TCF20: variants seen among roughly 807,000 people sequenced by gnomAD.
TCF20 encodes the protein transcription factor 20.
TCF20 carries 3 observed loss-of-function variants against 148.6 expected under a neutral mutation model. The ratio of observed to expected loss-of-function variants is 0.02; its 90% CI spans 0.01 to 0.05. The LOEUF (loss-of-function observed/expected upper bound fraction) is 0.05, where lower values mean the gene tolerates loss of function less well. Ranked by LOEUF, TCF20 falls within the 10% of genes least tolerant of loss-of-function variation. The pLI, the probability that TCF20 is intolerant of heterozygous loss-of-function variation, is 1.00. For missense variants in TCF20, 2,350 were observed against 2,429.3 expected, an observed-to-expected ratio of 0.97 and a Z score of 0.69; for synonymous variants, 1,049 against 909.5, an observed-to-expected ratio of 1.15 and a Z score of -2.76.
chr22:42,276,811 A>G (rs77117780), intron 1 of TCF20: 1 of 152,166 alleles, frequency 6.6e-6, no homozygotes, highest in Non-Finnish European at 1.5e-5. Flanking sequence ...GGATAATTGC[A>G]AAATCACGTT....
At chr22:42,182,008 G>C (rs1936801860) in intron 2 of TCF20, among the ~76,000 whole-genome samples, 1 of 152,108 alleles carries the variant, frequency 6.6e-6, no homozygotes, top group Admixed American at 6.5e-5. Flanking sequence ...CACCATGAGG[G>C]GACAGCCCTG....
intron 1 of TCF20, among the ~76,000 whole-genome samples, chr22:42,335,366 C>T (rs913457521): frequency 5.3e-5 from 8 of 152,074 alleles, no homozygotes; most frequent in Non-Finnish European, 1.0e-4. Context: ...GCCCACAGGC[C>T]GGCACCAGCC....
In TCF20 at chr22:42,214,839, T is replaced by C. The variant is rs148947060; in HGVS notation, c.467A>G (p.Tyr156Cys). ...ACTCCCTGGAGAGAAAGGCCCAGTG[T>C]AATCCTGCTGATAATGTGACACACC... ...LGGVSHYQQD[Y>C]TGPFSPGSAQ... is the part of the protein sequence containing the mutation. The change falls in exon 2 of 6, where the codon TAC becomes TGC. Residue 156 changes from tyrosine (Y) to cysteine (C), a missense_variant. Physicochemically the swap from Tyr to Cys is radical, Grantham distance 194. Around this residue, in one of 7 missense-constraint regions of TCF20, gnomAD observed 1,641 missense variants for 1,662.6 expected, o/e 0.99. Coordinates refer to ENST00000677622, the MANE Select transcript of TCF20 (RefSeq NM_001378418.1). 19 of 1,614,074 alleles carry C rather than the reference T, an allele frequency of 1.2e-5. No individual in the cohort carries two copies. The East Asian group carries it at 1.8e-4, about 15-fold the overall frequency.
At chr22:42,285,180 C>A (rs1601693202), upstream of TCF20, among the ~76,000 whole-genome samples, 1 of 152,224 alleles carries the variant, frequency 6.6e-6, no homozygotes, top group Non-Finnish European at 1.5e-5. The surrounding 1 kb of genome is among the most constrained non-coding windows in gnomAD (Gnocchi z 4.2). Flanking sequence ...TGCCACGGGG[C>A]AGCTGGGCTG....
intron 1 of TCF20, among the ~76,000 whole-genome samples, chr22:42,262,478 G>A (rs1212425252): frequency 6.6e-6 from 1 of 152,118 alleles, no homozygotes; most frequent in Non-Finnish European, 1.5e-5. Flanking sequence ...AGGAATAAGT[G>A]TTCAGTTTTG....
intron 1 of TCF20, among the ~76,000 whole-genome samples, chr22:42,254,603 C>T (rs1282806000): frequency 6.6e-6 from 1 of 152,220 alleles, no homozygotes; most frequent in Non-Finnish European, 1.5e-5. Flanking sequence ...AATCCTTTCC[C>T]ACCTCTCAGA....
intron 1 of TCF20, among the ~76,000 whole-genome samples, chr22:42,243,697 T>C (rs1425956368): frequency 6.6e-6 from 1 of 152,190 alleles, no homozygotes; most frequent in Non-Finnish European, 1.5e-5. Context: ...ACCACACTAA[T>C]ATGAGATATT....
chr22:42,177,482 G>A (rs183813550), intron 3 of TCF20, among the ~76,000 whole-genome samples: 167 of 152,208 alleles, frequency 1.1e-3, no homozygotes, highest in African/African-American at 2.6e-3. Flanking sequence ...AAAAGTAACT[G>A]GGGAAAACAC....
intron 2 of TCF20, among the ~76,000 whole-genome samples, chr22:42,188,739 GA>G (rs1937180754): frequency 6.6e-6 from 1 of 152,194 alleles, no homozygotes. Flanking sequence ...ATCGACTTCA[GA>G]AGTATAATAA....
intron 5 of TCF20, 86 bp from the exon 6 acceptor site, chr22:42,161,444 G>A (rs1433798065): frequency 6.3e-7 from 1 of 1,587,316 alleles, no homozygotes; most frequent in East Asian, 2.2e-5. Flanking sequence ...ACCCCTGGGA[G>A]CTTTCAGCAG....
intron 1 of TCF20, among the ~76,000 whole-genome samples, chr22:42,333,489 T>TCA (rs1928013498): frequency 1.3e-5 from 2 of 152,194 alleles, no homozygotes; most frequent in African/African-American, 4.8e-5. Flanking sequence ...TGAACGCAAG[T>TCA]CACACAGAAG....
At chr22:42,240,977 T>A (rs1427723215) in intron 1 of TCF20, among the ~76,000 whole-genome samples, 2 of 152,012 alleles carry the variant, frequency 1.3e-5, no homozygotes, top group Non-Finnish European at 2.9e-5. Flanking sequence ...TGCCTCAGCC[T>A]CCCAAGTAGC....
rs969216021 is a variant in TCF20 at position 42,161,279 on chromosome 22, A to G, written c.*124T>C. The G allele has an allele frequency of 1.2e-4, 185 of 1,606,480 alleles. No individual in the cohort carries two copies. Among genetic ancestry groups the G allele is most frequent in the Admixed American group, 3.3e-5 (2 of 59,812 alleles). ...GCACGCGGGCGGGGCGGGGCGGGGC[A>G]GGGCAGGGTGTGGCTGCACGGTAGG... On this transcript the variant is annotated 3_prime_UTR_variant, in exon 6 of 6. Transcript: ENST00000677622.
upstream of TCF20, among the ~76,000 whole-genome samples, chr22:42,271,779 C>G (rs1407821636): frequency 6.6e-6 from 1 of 152,142 alleles, no homozygotes; most frequent in Non-Finnish European, 1.5e-5. Flanking sequence ...TGAAGCAACC[C>G]AACTTAAAAG....
At chr22:42,268,050 G>C (rs1380827766) in intron 1 of TCF20, among the ~76,000 whole-genome samples, 1 of 152,100 alleles carries the variant, frequency 6.6e-6, no homozygotes, top group South Asian at 2.1e-4. Context: ...GGAGGCTGAC[G>C]CAGGAGAATC....
intron 1 of TCF20, among the ~76,000 whole-genome samples, chr22:42,255,879 T>C (rs1324029600): frequency 6.6e-6 from 1 of 152,154 alleles, no homozygotes; most frequent in Non-Finnish European, 1.5e-5. Context: ...GGTTCAAAGC[T>C]ATTCCCACCT....
chr22:42,243,537 G>A (rs1345290117), intron 1 of TCF20, among the ~76,000 whole-genome samples: 1 of 152,068 alleles, frequency 6.6e-6, no homozygotes, highest in Non-Finnish European at 1.5e-5. Flanking sequence ...TGGAGGTGGA[G>A]GTTGCAGTGA....
chr22:42,321,850 G>A (rs1601705969), intron 1 of TCF20, among the ~76,000 whole-genome samples: 1 of 151,648 alleles, frequency 6.6e-6, no homozygotes, highest in East Asian at 1.9e-4. Context: ...GGGAGGCTGA[G>A]GCACAAGAAT....
intron 1 of TCF20, among the ~76,000 whole-genome samples, chr22:42,334,317 T>C (rs1432340132): frequency 3.3e-5 from 5 of 152,152 alleles, no homozygotes; most frequent in Admixed American, 2.0e-4. Context: ...AGGAGTACAC[T>C]GAGGCTCTAG....
Sources: allele counts gnomAD v4.1 joint callset (sites outside exome capture counted in the v4.1 genomes callset), GRCh38; gene constraint gnomAD v4.1.1; regional missense constraint gnomAD v4.1.1; non-coding constraint Gnocchi (gnomAD v3.1); transcripts MANE v1.5; gene names NCBI Gene and HGNC (gene_info 2026-07-23, HGNC 2026-07-21).